The following JAK2 variants were observed in gnomAD, a reference collection of about 807,000 sequenced individuals.
The protein encoded by JAK2 is Janus kinase 2, also known as tyrosine-protein kinase JAK2.
Under a neutral mutation model 139.3 loss-of-function variants are expected in JAK2, and 86 were observed. The ratio of observed to expected loss-of-function variants is 0.62; its 90% CI spans 0.52 to 0.74. JAK2 has a LOEUF of 0.74. Ranked by LOEUF, JAK2 falls within the 30% of genes least tolerant of loss-of-function variation. JAK2 has a pLI of 0.00. For missense variants in JAK2, 1,421 were observed against 1,360.3 expected, an observed-to-expected ratio of 1.04 and a Z score of -0.70; for synonymous variants, 490 against 437.7, an observed-to-expected ratio of 1.12 and a Z score of -1.49.
At chr9:5,009,905 G>A (rs78326201) in intron 2 of JAK2, among the ~76,000 whole-genome samples, 12,818 of 152,054 alleles carry the variant, frequency 0.084, 1,579 homozygotes, top group African/African-American at 0.28. Context: ...CAAGTAGCTA[G>A]TACTACAGGT....
chr9:5,116,677 A>G (rs1823205252), intron 22 of JAK2, among the ~76,000 whole-genome samples: 1 of 152,216 alleles, frequency 6.6e-6, no homozygotes, highest in African/African-American at 2.4e-5. Flanking sequence ...TCCAAATACT[A>G]TACAGGGAGG....
chr9:5,084,925 A>G lies in JAK2; in HGVS notation c.2571+3064A>G, dbSNP rs1819962654. 4 of 552,308 alleles carry G rather than the reference A, an allele frequency of 7.2e-6. No homozygotes were observed. In the African/African-American group the frequency reaches 7.7e-5, roughly 11 times the overall value. The allele number at this position is 552,308 out of a possible 1,614,324, so 34.2% of individuals were successfully genotyped here. A position where few individuals can be genotyped will look rare whatever the true frequency, so the allele number is the denominator to read the frequency against. On this transcript the variant is annotated intron_variant, in intron 19 of 24. Transcript: ENST00000381652. ...ATTTTTGGTTATCTGCACATGAAGCAAACAAAGTGTATTCCACAAAATTCT... is the reference window on the plus strand; with the variant it reads ...ATTTTTGGTTATCTGCACATGAAGCGAACAAAGTGTATTCCACAAAATTCT...
chr9:5,024,209 T>C (rs1822625536), intron 3 of JAK2, among the ~76,000 whole-genome samples: 1 of 152,170 alleles, frequency 6.6e-6, no homozygotes, highest in Non-Finnish European at 1.5e-5. Context: ...TGAGCCGAGA[T>C]TGCGCCACTG....
intron 2 of JAK2, among the ~76,000 whole-genome samples, chr9:5,014,529 A>T (rs1266381930): frequency 6.6e-6 from 1 of 152,176 alleles, no homozygotes; most frequent in Non-Finnish European, 1.5e-5. Flanking sequence ...TATGGTGGGA[A>T]AATATCAGAA....
In JAK2 at chr9:5,089,708, A is replaced by G; in HGVS notation, c.2606A>G (p.Asp869Gly). The change falls in exon 20 of 25, where the codon GAC (aspartate) becomes GGC (glycine). Residue 869 changes from aspartate (D) to glycine (G), a missense_variant. Transcript: ENST00000381652. ...GGGAGTGTGGAGATGTGCCGGTATGACCCTCTACAGGACAACACTGGGGAG... is the reference window on the plus strand; with the variant it reads ...GGGAGTGTGGAGATGTGCCGGTATGGCCCTCTACAGGACAACACTGGGGAG... ...NFGSVEMCRY[D>G]PLQDNTGEVV... 6.6e-7 allele frequency: 1 copy of G among 1,513,996 alleles called. No homozygotes were observed. The highest frequency in any genetic ancestry group is 8.9e-7 in the Non-Finnish European group (1 of 1,129,328). 93.8% of individuals were successfully genotyped at this position (1,513,996 alleles called of 1,614,324 possible). A position where few individuals can be genotyped will look rare whatever the true frequency, so the allele number is the denominator to read the frequency against.
chr9:5,055,186 A>G (rs1243924060), intron 7 of JAK2, among the ~76,000 whole-genome samples: 4 of 152,048 alleles, frequency 2.6e-5, no homozygotes, highest in Non-Finnish European at 4.4e-5. Flanking sequence ...TGATAACAGA[A>G]GGCATAATTA....
intron 11 of JAK2, 35 bp downstream of exon 11, chr9:5,069,243 G>C: frequency 7.0e-7 from 1 of 1,426,388 alleles, no homozygotes; most frequent in Non-Finnish European, 9.7e-7. Context: ...TAAATTACTG[G>C]TCATGGATTG....
At chr9:5,006,537 T>C (rs576287727) in intron 2 of JAK2, among the ~76,000 whole-genome samples, 1 of 152,328 alleles carries the variant, frequency 6.6e-6, no homozygotes, top group East Asian at 1.9e-4. Context: ...CATGGTTCCA[T>C]AGGCTGTACA....
rs1465663031 is a variant in JAK2, at chr9:5,127,648, T to C, written c.*857T>C. The C allele has an allele frequency of 8.6e-6, 2 of 232,058 alleles. No individual in the cohort carries two copies. The highest frequency in any genetic ancestry group is 1.7e-5 in the Non-Finnish European group (2 of 116,916). 14.4% of individuals were successfully genotyped at this position (232,058 alleles called of 1,614,324 possible). A position where few individuals can be genotyped will look rare whatever the true frequency, so the allele number is the denominator to read the frequency against. ...TTGAGATTAAGAATGCCAGGAATAT[T>C]GTCATCCTTTGAGCTGCTGACTGCC... is the stretch of plus-strand genomic sequence containing the variant. On this transcript the variant is annotated 3_prime_UTR_variant, in exon 25 of 25. Transcript: ENST00000381652.
chr9:4,996,360 A>G lies in JAK2; in HGVS notation c.-26+10338A>G, dbSNP rs534508051. ...CTACTTGGGAGGCTGAGACAGGAGA[A>G]TCGCTTGTACCTGGGAGGCAGAGGT... On this transcript the variant is annotated intron_variant, in intron 2 of 24. Transcript: ENST00000381652. Among the ~76,000 whole-genome samples the G allele has an allele frequency of 1.1e-3, 170 of 152,242 alleles. 1 individual carries two copies. The highest frequency in any genetic ancestry group is 3.7e-3 in the African/African-American group (154 of 41,544).
chr9:5,087,347 G>C (rs1391159285), intron 19 of JAK2, among the ~76,000 whole-genome samples: 1 of 152,202 alleles, frequency 6.6e-6, no homozygotes, highest in African/African-American at 2.4e-5. Context: ...ACTATCACGA[G>C]AACAGCATGG....
At chr9:5,051,940 AAATCTAGAAG>A (rs936234472) in intron 6 of JAK2, among the ~76,000 whole-genome samples, 1 of 152,134 alleles carries the variant, frequency 6.6e-6, no homozygotes, top group Non-Finnish European at 1.5e-5. Flanking sequence ...AGGAACTCAG[AAATCTAGAAG>A]ATTCCAAAGC....
At chr9:5,107,626 A>G (rs1335692757) in intron 22 of JAK2, among the ~76,000 whole-genome samples, 1 of 152,190 alleles carries the variant, frequency 6.6e-6, no homozygotes, top group Non-Finnish European at 1.5e-5. Flanking sequence ...ATAATAAACC[A>G]TATTTACCAA....
intron 22 of JAK2, among the ~76,000 whole-genome samples, chr9:5,101,609 G>C (rs1564005546): frequency 6.6e-6 from 1 of 152,244 alleles, no homozygotes; most frequent in African/African-American, 2.4e-5. Context: ...GCCTAAGTGG[G>C]AGACACCTCC....
In JAK2 at chr9:5,085,375, A is replaced by G; in HGVS notation, c.2571+3514A>G. Reference sequence around the variant, plus strand: ...TCCGTACTGATAGGTGATCTCATGCACCACTGGGTCGGGGCATCCTAGAAC... The same window carrying G: ...TCCGTACTGATAGGTGATCTCATGCGCCACTGGGTCGGGGCATCCTAGAAC... On this transcript the variant is annotated intron_variant, in intron 19 of 24. Transcript: ENST00000381652. 3.3e-6 allele frequency: 3 copies of G among 906,804 alleles called. 1 individual carries two copies. The South Asian group carries it at 3.9e-5, about 12-fold the overall frequency. The allele number at this position is 906,804 out of a possible 1,614,324, so 56.2% of individuals were successfully genotyped here. A position where few individuals can be genotyped will look rare whatever the true frequency, so the allele number is the denominator to read the frequency against.
At chr9:5,074,160 ATTTT>A (rs890873292) in intron 14 of JAK2, among the ~76,000 whole-genome samples, 1 of 152,148 alleles carries the variant, frequency 6.6e-6, no homozygotes, top group African/African-American at 2.4e-5. Flanking sequence ...GATACACTTA[ATTTT>A]TAATGGAACT....
At chr9:5,035,228 G>C (rs1215986015) in intron 4 of JAK2, among the ~76,000 whole-genome samples, 1 of 152,194 alleles carries the variant, frequency 6.6e-6, no homozygotes, top group Non-Finnish European at 1.5e-5. Context: ...CTCTGAAATT[G>C]AGGCAATAAT....
chr9:5,127,503 C>A lies in JAK2; in HGVS notation c.*712C>A, dbSNP rs1243334153. Reference sequence around the variant, plus strand: ...TACATTTTGAAATGAAACAAGCTTACAAAGATATAATCTATTTTATTATGG... The same window carrying A: ...TACATTTTGAAATGAAACAAGCTTAAAAAGATATAATCTATTTTATTATGG... On this transcript the variant is annotated 3_prime_UTR_variant, in exon 25 of 25. Coordinates refer to ENST00000381652, the MANE Select transcript of JAK2 (RefSeq NM_004972.4). The A allele has an allele frequency of 4.3e-6, 1 of 230,880 alleles. No homozygotes were observed. Among genetic ancestry groups the A allele is most frequent in the African/African-American group, 2.2e-5 (1 of 45,176 alleles). The allele number at this position is 230,880 out of a possible 1,614,324, so 14.3% of individuals were successfully genotyped here.
intron 22 of JAK2, chr9:5,099,786 C>A (rs987397251): frequency 6.6e-6 from 1 of 152,200 alleles, no homozygotes. Context: ...CCCTAATTAT[C>A]TTCACTGCCT....
Sources: allele counts gnomAD v4.1 joint callset (sites outside exome capture counted in the v4.1 genomes callset), GRCh38; gene constraint gnomAD v4.1.1; transcripts MANE v1.5; gene names NCBI Gene and HGNC (gene_info 2026-07-23, HGNC 2026-07-21).